ZBTB20: variants seen among roughly 807,000 people sequenced by gnomAD.
ZBTB20 encodes zinc finger and BTB domain containing 20, also known as zinc finger and BTB domain-containing protein 20.
In ZBTB20, 9 loss-of-function variants were observed where a neutral mutation model predicts 56.9. The ratio of observed to expected loss-of-function variants is 0.16; its 90% CI spans 0.10 to 0.28. The LOEUF (loss-of-function observed/expected upper bound fraction) is 0.28, where lower values mean the gene tolerates loss of function less well. Among genes scored for constraint, ZBTB20 ranks in the 10% least tolerant of loss-of-function variants. The probability of loss-of-function intolerance (pLI) is 1.00; values close to 1 mark genes in which losing one functional copy is unlikely to be tolerated. For synonymous variants in ZBTB20, 417 were observed against 420.7 expected (o/e 0.99, Z 0.11); for missense variants, 655 against 1,003.0 (o/e 0.65, Z 4.69).
intron 7 of ZBTB20, among the ~76,000 whole-genome samples, chr3:114,426,517 T>C (rs1436484846): frequency 2.0e-5 from 3 of 152,096 alleles, no homozygotes; most frequent in African/African-American, 7.2e-5. Context: ...GGTCTGCTTG[T>C]CTAACCTGTC....
intron 6 of ZBTB20, among the ~76,000 whole-genome samples, chr3:114,580,864 A>G (rs1350977102): frequency 6.6e-6 from 1 of 151,904 alleles, no homozygotes; most frequent in African/African-American, 2.4e-5. Context: ...AAAAATGTCA[A>G]TTCTCCCCAG....
intron 10 of ZBTB20, among the ~76,000 whole-genome samples, chr3:114,360,591 T>C (rs990183146): frequency 7.2e-5 from 11 of 151,950 alleles, no homozygotes; most frequent in Admixed American, 2.6e-4. Flanking sequence ...TACCTTGTGA[T>C]CTGCCCACCT....
At chr3:115,017,573 TC>T (rs1423539448) in intron 2 of ZBTB20, among the ~76,000 whole-genome samples, 4 of 151,280 alleles carry the variant, frequency 2.6e-5, no homozygotes, top group African/African-American at 9.7e-5. Context: ...TTTAGATAGA[TC>T]AAAAAAAATG....
At chr3:114,488,589 A>G (rs1439162440) in intron 7 of ZBTB20, among the ~76,000 whole-genome samples, 2 of 152,240 alleles carry the variant, frequency 1.3e-5, no homozygotes, top group Non-Finnish European at 1.5e-5. Flanking sequence ...TGAAAATTAC[A>G]GAATTAGTGA....
intron 5 of ZBTB20, among the ~76,000 whole-genome samples, chr3:114,749,616 G>C (rs891684408): frequency 2.1e-5 from 3 of 144,602 alleles, no homozygotes; most frequent in Admixed American, 6.9e-5. Context: ...AGGAAGGAAG[G>C]AAGGAATAAA....
At chr3:115,053,902 GT>G (rs2081650408) in intron 2 of ZBTB20, among the ~76,000 whole-genome samples, 1 of 152,120 alleles carries the variant, frequency 6.6e-6, no homozygotes, top group South Asian at 2.1e-4. Context: ...GGTTTAGTCT[GT>G]GGTTGGTTTA....
At chr3:114,590,047 T>C (rs1164042073) in intron 6 of ZBTB20, among the ~76,000 whole-genome samples, 1 of 152,236 alleles carries the variant, frequency 6.6e-6, no homozygotes, top group African/African-American at 2.4e-5. Context: ...CTTTTAATAT[T>C]GACAGCAACA....
intron 2 of ZBTB20, among the ~76,000 whole-genome samples, chr3:115,060,299 A>G (rs1407160739): frequency 1.3e-5 from 2 of 152,218 alleles, no homozygotes; most frequent in Admixed American, 1.3e-4. Flanking sequence ...AGTCTACCTC[A>G]AAATGATTAT....
chr3:114,484,329 C>A (rs564637624), intron 7 of ZBTB20, among the ~76,000 whole-genome samples: 28 of 152,244 alleles, frequency 1.8e-4, no homozygotes, highest in African/African-American at 6.5e-4. Context: ...CACAAACAAA[C>A]CCTACAGTAC....
chr3:114,894,881 C>A (rs2074807414), intron 4 of ZBTB20, among the ~76,000 whole-genome samples: 1 of 152,102 alleles, frequency 6.6e-6, no homozygotes, highest in Non-Finnish European at 1.5e-5. Flanking sequence ...TCAATATTTA[C>A]CTTGATTCAT....
At chr3:114,742,922 T>C (rs546784764) in intron 5 of ZBTB20, among the ~76,000 whole-genome samples, 1 of 152,304 alleles carries the variant, frequency 6.6e-6, no homozygotes, top group African/African-American at 2.4e-5. Flanking sequence ...GAGGTCAGTA[T>C]ATCTGTGCCA....
chr3:114,962,706 A>T lies in ZBTB20; in HGVS notation c.-456+11660T>A, dbSNP rs531646715. 3.9e-5 allele frequency among the ~76,000 whole-genome samples: 6 copies of T among 152,278 alleles called. No homozygotes were observed. The South Asian group carries it at 1.2e-3, about 32-fold the overall frequency. ...TTAGTGGACCATTTTGACTGAACAA[A>T]AAACAGCACTGTGCCTTCTTGTTGA... is the stretch of plus-strand genomic sequence containing the variant. On this transcript the variant is annotated intron_variant, in intron 3 of 11. Transcript: ENST00000675478.
intron 2 of ZBTB20, among the ~76,000 whole-genome samples, chr3:115,021,180 A>C (rs1044448169): frequency 6.6e-6 from 1 of 151,026 alleles, no homozygotes; most frequent in Non-Finnish European, 1.5e-5. Context: ...TTTCTAAGTT[A>C]AAGTCTTAAT....
At chr3:114,724,748 T>C (rs1324458041) in intron 5 of ZBTB20, among the ~76,000 whole-genome samples, 18 of 152,198 alleles carry the variant, frequency 1.2e-4, no homozygotes, top group Admixed American at 1.1e-3. Context: ...ACTTTTAAGG[T>C]TGTCACTGAG....
chr3:114,580,141 G>T (rs1320552922), intron 6 of ZBTB20, among the ~76,000 whole-genome samples: 2 of 151,586 alleles, frequency 1.3e-5, no homozygotes, highest in Admixed American at 6.6e-5. Context: ...AAACTCAATA[G>T]TAGATTAAAA....
intron 3 of ZBTB20, among the ~76,000 whole-genome samples, chr3:114,907,981 G>C (rs1363882374): frequency 2.0e-5 from 3 of 151,760 alleles, no homozygotes; most frequent in African/African-American, 7.3e-5. Flanking sequence ...TTTTAGATAG[G>C]GGGACCAGCA....
chr3:114,475,174 T>C (rs1042563721), intron 7 of ZBTB20, among the ~76,000 whole-genome samples: 2 of 152,182 alleles, frequency 1.3e-5, no homozygotes, highest in African/African-American at 4.8e-5. Context: ...CCTTTGATTC[T>C]TCCATGCTTT....
intron 2 of ZBTB20, among the ~76,000 whole-genome samples, chr3:115,030,670 T>C (rs1311105009): frequency 6.6e-6 from 1 of 151,158 alleles, no homozygotes; most frequent in Non-Finnish European, 1.5e-5. Context: ...TGAGAGATGA[T>C]TCTGTCCTCA....
chr3:114,446,024 T>C (rs1479586635), intron 7 of ZBTB20, among the ~76,000 whole-genome samples: 1 of 152,144 alleles, frequency 6.6e-6, no homozygotes, highest in East Asian at 1.9e-4. Flanking sequence ...ATCTATATAT[T>C]CCTTAACGTT....
Sources: allele counts gnomAD v4.1 joint callset (sites outside exome capture counted in the v4.1 genomes callset), GRCh38; gene constraint gnomAD v4.1.1; transcripts MANE v1.5; gene names NCBI Gene and HGNC (gene_info 2026-07-23, HGNC 2026-07-21).